The following CLDN10 variants were observed in gnomAD, a reference collection of about 807,000 sequenced individuals.
The protein encoded by CLDN10 is claudin-10.
In CLDN10, 15 loss-of-function variants were observed where a neutral mutation model predicts 22.9. That is an observed-to-expected ratio of 0.65 (90% CI 0.44 to 1.01). CLDN10 has a LOEUF of 1.01. Among genes scored for constraint, CLDN10 ranks in the 50% least tolerant of loss-of-function variants. The pLI, the probability that CLDN10 is intolerant of heterozygous loss-of-function variation, is 0.00. For missense variants in CLDN10, 247 were observed against 287.8 expected (o/e 0.86, Z 1.03); for synonymous variants, 114 against 111.4 (o/e 1.02, Z -0.15).
intron 1 of CLDN10, among the ~76,000 whole-genome samples, chr13:95,469,535 A>G (rs1285171725): frequency 6.6e-6 from 1 of 152,240 alleles, no homozygotes; most frequent in African/African-American, 2.4e-5. Context: ...TAATCACCGT[A>G]GTCTACAGAG....
At chr13:95,564,159 C>T (rs1202748421) in intron 3 of CLDN10, among the ~76,000 whole-genome samples, 2 of 152,212 alleles carry the variant, frequency 1.3e-5, no homozygotes, top group Non-Finnish European at 2.9e-5. Flanking sequence ...TCTTAATCAG[C>T]TGGCATAAGA....
intron 1 of CLDN10, among the ~76,000 whole-genome samples, chr13:95,439,348 A>G (rs1007957266): frequency 6.7e-6 from 1 of 148,640 alleles, no homozygotes; most frequent in Non-Finnish European, 1.5e-5. Flanking sequence ...TTATGTTATT[A>G]TTATTTTTTT....
chr13:95,486,668 C>T (rs1208098349), intron 1 of CLDN10, among the ~76,000 whole-genome samples: 1 of 152,122 alleles, frequency 6.6e-6, no homozygotes, highest in African/African-American at 2.4e-5. Flanking sequence ...AGTGAACCTG[C>T]CTCACAGGCA....
intron 1 of CLDN10, among the ~76,000 whole-genome samples, chr13:95,540,299 C>T (rs1162192691): frequency 1.2e-5 from 1 of 80,316 alleles, no homozygotes; most frequent in East Asian, 3.6e-4. Flanking sequence ...GACTCTGTCT[C>T]AAAAATAAAT....
At chr13:95,481,319 G>GT (rs2138495067) in intron 1 of CLDN10, among the ~76,000 whole-genome samples, 1 of 152,298 alleles carries the variant, frequency 6.6e-6, no homozygotes, top group South Asian at 2.1e-4. Context: ...GCAGAGGATG[G>GT]CCGGGGCAGA....
intron 1 of CLDN10, among the ~76,000 whole-genome samples, chr13:95,470,701 G>A (rs2042621135): frequency 6.6e-6 from 1 of 152,080 alleles, no homozygotes; most frequent in Admixed American, 6.6e-5. Flanking sequence ...ACTTCCTGCT[G>A]GCCGTGCACG....
chr13:95,496,125 T>C (rs2042927463), intron 1 of CLDN10, among the ~76,000 whole-genome samples: 1 of 152,212 alleles, frequency 6.6e-6, no homozygotes, highest in African/African-American at 2.4e-5. Context: ...TCAGGCTGTG[T>C]CTGCATTCTT....
At chr13:95,513,099 T>G (rs767522215) in intron 1 of CLDN10, among the ~76,000 whole-genome samples, 1 of 152,114 alleles carries the variant, frequency 6.6e-6, no homozygotes, top group African/African-American at 2.4e-5. Context: ...AGGTTGGTCT[T>G]GATCTCCTGG....
chr13:95,561,634 T>A (rs1242240701), intron 3 of CLDN10, among the ~76,000 whole-genome samples: 1 of 152,212 alleles, frequency 6.6e-6, no homozygotes, highest in Non-Finnish European at 1.5e-5. Context: ...CTGATTGAAC[T>A]GGGATTCAAA....
intron 1 of CLDN10, among the ~76,000 whole-genome samples, chr13:95,463,326 T>TATATATATATG (rs2042554352): frequency 1.7e-5 from 1 of 60,356 alleles, no homozygotes; most frequent in Non-Finnish European, 4.0e-5. Flanking sequence ...ATATATATAT[T>TATATATATATG]TGCCTTTTTT....
At chr13:95,519,111 T>C (rs1250185260) in intron 1 of CLDN10, among the ~76,000 whole-genome samples, 1 of 152,154 alleles carries the variant, frequency 6.6e-6, no homozygotes, top group African/African-American at 2.4e-5. Flanking sequence ...ATACATCAGG[T>C]ATTTAGTGTA....
intron 1 of CLDN10, among the ~76,000 whole-genome samples, chr13:95,531,063 C>T (rs540916363): frequency 4.5e-4 from 69 of 151,956 alleles, no homozygotes; most frequent in South Asian, 2.1e-4. Context: ...GGACTACAGG[C>T]GTGTGCCACC....
At chr13:95,506,020 G>A (rs923652251) in intron 1 of CLDN10, among the ~76,000 whole-genome samples, 15 of 152,160 alleles carry the variant, frequency 9.9e-5, no homozygotes, top group Admixed American at 2.6e-4. Flanking sequence ...GATTACAGGC[G>A]TGAGCCATTG....
chr13:95,546,806 A>G (rs149584069), intron 1 of CLDN10, among the ~76,000 whole-genome samples: 118 of 152,262 alleles, frequency 7.7e-4, no homozygotes, highest in Non-Finnish European at 1.1e-3. Context: ...CCCTGTCCTC[A>G]GTGTCCTCTG....
chr13:95,458,494 G>A (rs140608296), intron 1 of CLDN10, among the ~76,000 whole-genome samples: 2 of 152,286 alleles, frequency 1.3e-5, no homozygotes, highest in East Asian at 3.9e-4. Flanking sequence ...AAGGTGAAGG[G>A]GAAGCAAGCC....
At chr13:95,571,169 G>A (rs1400073001) in intron 3 of CLDN10, among the ~76,000 whole-genome samples, 1 of 151,884 alleles carries the variant, frequency 6.6e-6, no homozygotes, top group Non-Finnish European at 1.5e-5. Context: ...CACATGGTAG[G>A]TAATCAATCA....
chr13:95,509,765 C>T (rs572870666), intron 1 of CLDN10, among the ~76,000 whole-genome samples: 1 of 152,272 alleles, frequency 6.6e-6, no homozygotes, highest in African/African-American at 2.4e-5. Flanking sequence ...TCTTGATGGT[C>T]ATTGGTGGTT....
chr13:95,495,043 A>T (rs993222297), intron 1 of CLDN10, among the ~76,000 whole-genome samples: 8 of 146,090 alleles, frequency 5.5e-5, no homozygotes, highest in East Asian at 3.9e-4. Context: ...TAATTAATTA[A>T]TTTTTTTTTT....
intron 1 of CLDN10, among the ~76,000 whole-genome samples, chr13:95,535,836 G>A (rs1290253874): frequency 6.6e-6 from 1 of 152,132 alleles, no homozygotes; most frequent in African/African-American, 2.4e-5. Flanking sequence ...GAGAAATCTA[G>A]GCAAGAATGG....
Sources: gnomAD v4.1 joint callset for allele counts (sites outside exome capture counted in the v4.1 genomes callset) on GRCh38, gnomAD v4.1.1 for gene constraint, MANE v1.5 for transcripts, NCBI Gene and HGNC (gene_info 2026-07-23, HGNC 2026-07-21) for gene names.